Variants in NCOR2 observed in about 807,000 individuals in gnomAD.
NCOR2 encodes CTG repeat protein 26.
Under a neutral mutation model 262.9 loss-of-function variants are expected in NCOR2, and 81 were observed. The ratio of observed to expected loss-of-function variants is 0.31; its 90% CI spans 0.26 to 0.37. NCOR2 has a LOEUF of 0.37. Among genes scored for constraint, NCOR2 ranks in the 10% least tolerant of loss-of-function variants. The probability of loss-of-function intolerance (pLI) is 1.00; values close to 1 mark genes in which losing one functional copy is unlikely to be tolerated. For missense variants in NCOR2, 3,385 were observed against 3,621.4 expected, an observed-to-expected ratio of 0.93 and a Z score of 1.68; for synonymous variants, 1,659 against 1,559.3, an observed-to-expected ratio of 1.06 and a Z score of -1.51.
intron 15 of NCOR2, 31 bp from the exon 18 acceptor site, chr12:124,398,212 A>G (rs1317293742): frequency 8.7e-6 from 14 of 1,611,780 alleles, no homozygotes; most frequent in Non-Finnish European, 1.1e-5. Context: ...TATTGGCAGG[A>G]GCCGGGAGAG....
At chr12:124,524,079 A>G (rs2137108473) in intron 1 of NCOR2, among the ~76,000 whole-genome samples, 2 of 152,316 alleles carry the variant, frequency 1.3e-5, no homozygotes, top group African/African-American at 4.8e-5. Context: ...GGGACATTCT[A>G]CCCAGATCAC....
chr12:124,491,355 T>C (rs1221147297), intron 1 of NCOR2, among the ~76,000 whole-genome samples: 1 of 152,250 alleles, frequency 6.6e-6, no homozygotes, highest in African/African-American at 2.4e-5. Context: ...AATTGGATCC[T>C]CACAATCTTA....
intron 10 of NCOR2, among the ~76,000 whole-genome samples, chr12:124,427,316 G>A (rs984837173): frequency 1.3e-5 from 2 of 152,094 alleles, no homozygotes; most frequent in South Asian, 2.1e-4. Flanking sequence ...CCGGCACCCC[G>A]CTCCTTCAGA....
intron 30 of NCOR2, 155 bp downstream of exon 32, chr12:124,347,670 G>A (rs2135866132): frequency 1.6e-5 from 11 of 686,330 alleles, no homozygotes; most frequent in Admixed American, 2.8e-5. Flanking sequence ...CCCTTGCTCC[G>A]TAGCTCACGT....
chr12:124,474,933 G>A (rs1052340380), intron 3 of NCOR2, among the ~76,000 whole-genome samples: 4 of 151,968 alleles, frequency 2.6e-5, no homozygotes, highest in South Asian at 2.1e-4. Flanking sequence ...ATTATTCTCC[G>A]GACAACTGCA....
rs1593258776 is a variant in NCOR2 at position 124,372,666 on chromosome 12, G to C, written c.2219-56C>G. 3.4e-6 allele frequency: 5 copies of C among 1,471,382 alleles called. No homozygotes were observed. In the South Asian group the frequency reaches 5.8e-5, roughly 17 times the overall value. 91.1% of individuals were successfully genotyped at this position (1,471,382 alleles called of 1,614,324 possible). A position where few individuals can be genotyped will look rare whatever the true frequency, so the allele number is the denominator to read the frequency against. ...GCAGGGTCTGGCGGGGCCTCCAGAA[G>C]AGATGCATGGCCCTGACCCTCCGGA... On this transcript the variant is annotated intron_variant, in intron 19 of 46. Coordinates refer to ENST00000405201, the Ensembl canonical transcript of NCOR2.
rs191143105 is a variant in NCOR2 at position 124,545,078 on chromosome 12, G to A, written c.-164-9467C>T. Among the ~76,000 whole-genome samples, 12 of 152,258 alleles carry A rather than the reference G, an allele frequency of 7.9e-5. 1 individual carries two copies. Among genetic ancestry groups the A allele is most frequent in the Middle Eastern group, 6.8e-3 (2 of 294 alleles). On this transcript the variant is annotated intron_variant, in intron 1 of 32. Coordinates refer to the NCOR2 transcript ENST00000458234. ...GAAATTTACAACCTGGCACCCAGCAGTGCTCAGTTGAAGCTCACCATCGGG... is the reference window on the plus strand; with the variant it reads ...GAAATTTACAACCTGGCACCCAGCAATGCTCAGTTGAAGCTCACCATCGGG...
chr12:124,325,461 C>T, exon 47 of NCOR2: 1 of 1,356,970 alleles, frequency 7.4e-7, no homozygotes, highest in African/African-American at 1.5e-5. Flanking sequence ...GGCTCCTCGT[C>T]CCAGGCGTGG....
chr12:124,364,841 C>T (rs781603435), intron 20 of NCOR2, among the ~76,000 whole-genome samples: 2 of 152,228 alleles, frequency 1.3e-5, no homozygotes, highest in Non-Finnish European at 2.9e-5. Flanking sequence ...TTGCTAGGCA[C>T]AAAGCAGCCT....
chr12:124,358,304 T>C (rs1337671956), intron 22 of NCOR2, among the ~76,000 whole-genome samples: 6 of 145,274 alleles, frequency 4.1e-5, no homozygotes, highest in African/African-American at 8.0e-5. Flanking sequence ...CGTGCACGTG[T>C]ATGTGCGTGT....
intron 2 of NCOR2, among the ~76,000 whole-genome samples, chr12:124,484,706 T>C (rs1412125227): frequency 6.6e-6 from 1 of 152,190 alleles, no homozygotes; most frequent in Non-Finnish European, 1.5e-5. Context: ...ATGGTGCAGA[T>C]GGCGCCTCCT....
intron 1 of NCOR2, among the ~76,000 whole-genome samples, chr12:124,562,727 G>A (rs1326078453): frequency 6.6e-6 from 1 of 152,212 alleles, no homozygotes; most frequent in Non-Finnish European, 1.5e-5. Flanking sequence ...GAAGCCTGGG[G>A]CTCTGGAAAA....
intron 16 of NCOR2, among the ~76,000 whole-genome samples, chr12:124,394,152 C>A (rs1044818903): frequency 6.6e-6 from 1 of 152,240 alleles, no homozygotes; most frequent in African/African-American, 2.4e-5. Flanking sequence ...CTGGAGACTG[C>A]GCCCTAAGCT....
rs1314423383 is a variant in NCOR2 at position 124,481,599 on chromosome 12, C to T, written c.411+1997G>A. On this transcript the variant is annotated intron_variant, in intron 3 of 46. Transcript: ENST00000405201. The surrounding 1 kb of genome is among the most constrained non-coding windows in gnomAD (Gnocchi z 4.6). Reference sequence around the variant, plus strand: ...CAAAGGTCCCCAGGTGGGAATGTGCCTGGCGTGTTTGAGGAACTCCAGGGT... The same window carrying T: ...CAAAGGTCCCCAGGTGGGAATGTGCTTGGCGTGTTTGAGGAACTCCAGGGT... Among the ~76,000 whole-genome samples the T allele has an allele frequency of 6.6e-6, 1 of 152,196 alleles. No individual in the cohort carries two copies. The highest frequency in any genetic ancestry group is 1.5e-5 in the Non-Finnish European group (1 of 68,014).
intron 20 of NCOR2, among the ~76,000 whole-genome samples, chr12:124,364,123 G>T (rs2038829325): frequency 6.6e-6 from 1 of 152,164 alleles, no homozygotes; most frequent in Admixed American, 6.5e-5. Flanking sequence ...AGTGCTAGAG[G>T]CCCAGGCTGG....
At chr12:124,407,160 C>T (rs1392783840) in intron 13 of NCOR2, among the ~76,000 whole-genome samples, 1 of 152,232 alleles carries the variant, frequency 6.6e-6, no homozygotes, top group Non-Finnish European at 1.5e-5. Context: ...TTCTTTCCTT[C>T]CGCCAGCATA....
At position 124,502,807 on chromosome 12, in the gene NCOR2, G is replaced by C. The variant is rs79911233; in HGVS notation, c.-117-7439C>G. Among the ~76,000 whole-genome samples the C allele has an allele frequency of 2.6e-5, 4 of 152,294 alleles. No homozygotes were observed. The South Asian group carries it at 8.3e-4, about 32-fold the overall frequency. ...ACACTGTAGCTGCCCCTGTGTCGAG[G>C]AGCACTGGGCACAGGTGTCTGAGTG... On this transcript the variant is annotated intron_variant, in intron 1 of 46. Transcript: ENST00000404621.
rs563375188 is a variant in NCOR2 at position 124,379,359 on chromosome 12, G to A, written c.2020-975C>T. Among the ~76,000 whole-genome samples the A allele has an allele frequency of 1.4e-4, 21 of 152,340 alleles. No individual in the cohort carries two copies. The South Asian group carries it at 4.3e-3, about 32-fold the overall frequency. ...CCACTCGTCTTGGTAGCTCACTGGG[G>A]TGGGTGTCTCTTTGTCCCCACGCTG... is the stretch of plus-strand genomic sequence containing the variant. On this transcript the variant is annotated intron_variant, in intron 17 of 46. Coordinates refer to ENST00000405201, the Ensembl canonical transcript of NCOR2.
exon 31 of NCOR2, chr12:124,346,617 T>C (rs768554479): frequency 6.3e-7 from 1 of 1,592,848 alleles, no homozygotes; most frequent in South Asian, 1.1e-5. Context: ...AGCTCGGGCG[T>C]GTGCCGCAGC....
Sources: gnomAD v4.1 joint callset for allele counts (sites outside exome capture counted in the v4.1 genomes callset) on GRCh38, gnomAD v4.1.1 for gene constraint, Gnocchi (gnomAD v3.1) non-coding constraint, MANE v1.5 for transcripts, NCBI Gene and HGNC (gene_info 2026-07-23, HGNC 2026-07-21) for gene names.